NDST1: variants seen among roughly 807,000 people sequenced by gnomAD.
The protein encoded by NDST1 is N-deacetylase and N-sulfotransferase 1, also known as bifunctional heparan sulfate N-deacetylase/N-sulfotransferase 1.
Under a neutral mutation model 92.8 loss-of-function variants are expected in NDST1, and 35 were observed. The ratio of observed to expected loss-of-function variants is 0.38; its 90% CI spans 0.29 to 0.50. NDST1 has a LOEUF of 0.50. Ranked by LOEUF, NDST1 falls within the 20% of genes least tolerant of loss-of-function variation. The probability of loss-of-function intolerance (pLI) is 0.94; values close to 1 mark genes in which losing one functional copy is unlikely to be tolerated. For synonymous variants in NDST1, 493 were observed against 500.3 expected (o/e 0.99, Z 0.19); for missense variants, 822 against 1,182.7 (o/e 0.69, Z 4.47).
exon 1 of NDST1, chr5:150,497,961 G>A (rs907182457): frequency 6.6e-6 from 1 of 152,288 alleles, no homozygotes; most frequent in African/African-American, 2.4e-5. Flanking sequence ...CCAGTGCAGG[G>A]GTCCATGAGC....
intron 11 of NDST1, among the ~76,000 whole-genome samples, chr5:150,545,965 C>A (rs184162756): frequency 6.4e-4 from 93 of 146,060 alleles, no homozygotes; most frequent in South Asian, 2.0e-3. Flanking sequence ...AAGCCCCTAT[C>A]TGGGGCATGT....
intron 1 of NDST1, among the ~76,000 whole-genome samples, chr5:150,519,846 C>T (rs1561592907): frequency 1.3e-5 from 2 of 152,000 alleles, no homozygotes; most frequent in Admixed American, 6.6e-5. Context: ...TGTACGTCTT[C>T]GTTAACTCTT....
Position 150,557,228 on chromosome 5 carries a change from T to C in NDST1, c.*3896T>C, listed in dbSNP as rs1755888557. The C allele has an allele frequency of 6.6e-6, 1 of 152,584 alleles. No homozygotes were observed. Among genetic ancestry groups the C allele is most frequent in the South Asian group, 2.1e-4 (1 of 4,826 alleles). 9.5% of individuals were successfully genotyped at this position (152,584 alleles called of 1,614,324 possible). A position where few individuals can be genotyped will look rare whatever the true frequency, so the allele number is the denominator to read the frequency against. Reference sequence around the variant, plus strand: ...TGGAGAAGGCCGTAATATCTGGGCCTTGGAAGGAAGGACACAGGGCTCTGG... The same window carrying C: ...TGGAGAAGGCCGTAATATCTGGGCCCTGGAAGGAAGGACACAGGGCTCTGG... On this transcript the variant is annotated 3_prime_UTR_variant, in exon 15 of 15. Coordinates refer to ENST00000261797, the MANE Select transcript of NDST1 (RefSeq NM_001543.5). The surrounding 1 kb of genome is among the most constrained non-coding windows in gnomAD (Gnocchi z 4.7).
intron 1 of NDST1, 31 bp from the exon 2 acceptor site, chr5:150,520,837 C>CT (rs1754215582): frequency 1.9e-5 from 8 of 414,860 alleles, no homozygotes; most frequent in Non-Finnish European, 3.4e-5. Context: ...AGCCCGCACT[C>CT]TGACGCTCCT....
intron 1 of NDST1, among the ~76,000 whole-genome samples, chr5:150,515,440 C>T (rs1051157590): frequency 1.3e-5 from 2 of 152,222 alleles, no homozygotes; most frequent in African/African-American, 2.4e-5. Flanking sequence ...GGTTTTCAGC[C>T]TCTGCACCGT....
rs762393967 is a variant in NDST1, at chr5:150,521,275, C to T, written c.21C>T (p.Leu7=). Residue 7 remains leucine, a synonymous_variant, in exon 2 of 15, where the codon CTC becomes CTT. Transcript: ENST00000261797. This position sits in a 1 kb window ranked among gnomAD's most constrained non-coding sequence, Gnocchi z 5.9. MPALAC[L]RRLCRHVSPQ... Reference sequence around the variant, plus strand: ...CCAGGATGCCTGCCCTGGCATGCCTCCGGAGGCTGTGTCGGCACGTGTCCC... The same window carrying T: ...CCAGGATGCCTGCCCTGGCATGCCTTCGGAGGCTGTGTCGGCACGTGTCCC... 2.5e-6 allele frequency: 4 copies of T among 1,610,794 alleles called. No individual in the cohort carries two copies. In the East Asian group the frequency reaches 6.7e-5, roughly 27 times the overall value.
chr5:150,511,536 G>T (rs544529096), intron 1 of NDST1, among the ~76,000 whole-genome samples: 29 of 152,308 alleles, frequency 1.9e-4, no homozygotes, highest in Admixed American at 1.7e-3. Flanking sequence ...GGGCACACCA[G>T]ACGGCACAAG....
intron 1 of NDST1, among the ~76,000 whole-genome samples, chr5:150,515,841 G>A (rs1368504087): frequency 6.6e-6 from 1 of 152,184 alleles, no homozygotes; most frequent in East Asian, 1.9e-4. Context: ...GCAGGCGGGT[G>A]AGGAGGGCCT....
intron 7 of NDST1, 108 bp from the exon 8 acceptor site, chr5:150,539,974 C>A: frequency 7.0e-7 from 1 of 1,426,186 alleles, no homozygotes; most frequent in Non-Finnish European, 9.8e-7. Context: ...TTCCACTGGT[C>A]ATCAGGAGCC....
rs1213805555 is a variant in NDST1 at position 150,557,246 on chromosome 5, G to A, written c.*3914G>A. 2 of 152,672 alleles carry A rather than the reference G, an allele frequency of 1.3e-5. No homozygotes were observed. Among genetic ancestry groups the A allele is most frequent in the African/African-American group, 4.8e-5 (2 of 41,460 alleles). The allele number at this position is 152,672 out of a possible 1,614,324, so 9.5% of individuals were successfully genotyped here. A position where few individuals can be genotyped will look rare whatever the true frequency, so the allele number is the denominator to read the frequency against. ...CTGGGCCTTGGAAGGAAGGACACAGGGCTCTGGAAGGAGGAGGCTGCATGC... is the reference window on the plus strand; with the variant it reads ...CTGGGCCTTGGAAGGAAGGACACAGAGCTCTGGAAGGAGGAGGCTGCATGC... On this transcript the variant is annotated 3_prime_UTR_variant, in exon 15 of 15. Coordinates refer to ENST00000261797, the MANE Select transcript of NDST1 (RefSeq NM_001543.5). The surrounding 1 kb of genome is among the most constrained non-coding windows in gnomAD (Gnocchi z 4.7).
Position 150,557,877 on chromosome 5 carries a change from G to A in NDST1, c.*4545G>A, listed in dbSNP as rs1246319661. 3.3e-5 allele frequency: 5 copies of A among 152,622 alleles called. No individual in the cohort carries two copies. Among genetic ancestry groups the A allele is most frequent in the Admixed American group, 1.3e-4 (2 of 15,284 alleles). The allele number at this position is 152,622 out of a possible 1,614,324, so 9.5% of individuals were successfully genotyped here. ...CATCCCTCCTGCTCTTACTGTTTCCGGCCCTGGAGGAGAATGAGGGAGGAG... is the reference window on the plus strand; with the variant it reads ...CATCCCTCCTGCTCTTACTGTTTCCAGCCCTGGAGGAGAATGAGGGAGGAG... On this transcript the variant is annotated 3_prime_UTR_variant, in exon 15 of 15. Coordinates refer to ENST00000261797, the MANE Select transcript of NDST1 (RefSeq NM_001543.5). This position sits in a 1 kb window ranked among gnomAD's most constrained non-coding sequence, Gnocchi z 4.7.
chr5:150,532,128 A>G (rs777629116), intron 3 of NDST1, among the ~76,000 whole-genome samples: 69 of 152,176 alleles, frequency 4.5e-4, no homozygotes, highest in Non-Finnish European at 9.0e-4. Flanking sequence ...TACGTACAAT[A>G]TCTTTTTTAC....
chr5:150,522,596 C>T (rs2151271947), intron 2 of NDST1, among the ~76,000 whole-genome samples: 1 of 152,284 alleles, frequency 6.6e-6, no homozygotes, highest in South Asian at 2.1e-4. Flanking sequence ...TTACTGAGCA[C>T]TCACAGTGTT....
chr5:150,498,019 G>A (rs1364992901), exon 1 of NDST1: 3 of 152,554 alleles, frequency 2.0e-5, no homozygotes, highest in Non-Finnish European at 4.4e-5. Flanking sequence ...TTCTTTTTCT[G>A]AAGAAAGAGT....
intron 4 of NDST1, among the ~76,000 whole-genome samples, chr5:150,533,668 T>G (rs1358947661): frequency 1.3e-5 from 2 of 152,244 alleles, no homozygotes; most frequent in Non-Finnish European, 2.9e-5. Context: ...TCTTGAATTC[T>G]AAGAAAACCA....
intron 7 of NDST1, 58 bp from the exon 8 acceptor site, chr5:150,540,024 G>A (rs901605789): frequency 1.1e-5 from 18 of 1,600,028 alleles, no homozygotes; most frequent in Non-Finnish European, 1.5e-5. Context: ...AGAGTTGGCG[G>A]TGAGGGTGGC....
chr5:150,541,705 C>G, intron 9 of NDST1, 39 bp downstream of exon 9: 2 of 1,580,630 alleles, frequency 1.3e-6, no homozygotes, highest in Non-Finnish European at 8.7e-7. Flanking sequence ...CCCCAACTGC[C>G]TGCTGTCTCA....
chr5:150,520,799 T>C (rs1453011631), intron 1 of NDST1, 69 bp from the exon 2 acceptor site: 1 of 403,674 alleles, frequency 2.5e-6, no homozygotes, highest in Non-Finnish European at 4.4e-6. Context: ...GGTCAGCTCC[T>C]GTGTGTCCAC....
chr5:150,511,122 CT>C (rs1378632400), intron 1 of NDST1, among the ~76,000 whole-genome samples: 4 of 152,176 alleles, frequency 2.6e-5, no homozygotes, highest in Non-Finnish European at 5.9e-5. Context: ...TGGGGGGAAT[CT>C]AGGTCATGGT....
Sources: gnomAD v4.1 joint callset for allele counts (sites outside exome capture counted in the v4.1 genomes callset) on GRCh38, gnomAD v4.1.1 for gene constraint, Gnocchi (gnomAD v3.1) non-coding constraint, MANE v1.5 for transcripts, NCBI Gene and HGNC (gene_info 2026-07-23, HGNC 2026-07-21) for gene names.